ZNF83: variants seen among roughly 807,000 people sequenced by gnomAD.
ZNF83 encodes the protein zinc finger protein 816B.
For synonymous variants in ZNF83, 209 were observed against 213.0 expected (o/e 0.98, Z 0.17); for missense variants, 552 against 629.9 (o/e 0.88, Z 1.32).
intron 2 of ZNF83, among the ~76,000 whole-genome samples, chr19:52,623,658 G>A (rs2060629375): frequency 6.6e-6 from 1 of 151,810 alleles, no homozygotes; most frequent in Non-Finnish European, 1.5e-5. Context: ...GGACACCTCT[G>A]CTCCCTCCCT....
intron 3 of ZNF83, chr19:52,650,592 C>T (rs536700561): frequency 6.6e-6 from 1 of 152,190 alleles, no homozygotes; most frequent in South Asian, 2.1e-4. Context: ...CAGGAGCTTC[C>T]CACTCCTCTG....
chr19:52,616,286 G>T (rs899701816), intron 2 of ZNF83, among the ~76,000 whole-genome samples: 1 of 152,208 alleles, frequency 6.6e-6, no homozygotes, highest in Non-Finnish European at 1.5e-5. Context: ...CTGCAAGTAA[G>T]TGAGGTCAAT....
At chr19:52,636,362 T>TA (rs1176587490) in intron 1 of ZNF83, 3 of 38,918 alleles carry the variant, frequency 7.7e-5, no homozygotes, top group African/African-American at 4.8e-4. Context: ...CAGAAAGGGA[T>TA]TTTTTTCTCA....
At chr19:52,645,042 T>C (rs1206505007) in intron 3 of ZNF83, among the ~76,000 whole-genome samples, 1 of 151,382 alleles carries the variant, frequency 6.6e-6, no homozygotes, top group Non-Finnish European at 1.5e-5. Context: ...GGGGGTGCTT[T>C]TGGCACAGCG....
intron 1 of ZNF83, among the ~76,000 whole-genome samples, chr19:52,682,663 A>C (rs1366154913): frequency 6.6e-6 from 1 of 150,752 alleles, no homozygotes; most frequent in Non-Finnish European, 1.5e-5. Flanking sequence ...GCGAGACTCC[A>C]TCTCAAAAAA....
intron 1 of ZNF83, among the ~76,000 whole-genome samples, chr19:52,686,602 C>T (rs987938791): frequency 6.6e-6 from 1 of 151,936 alleles, no homozygotes; most frequent in African/African-American, 2.4e-5. Flanking sequence ...GAGATGGAGA[C>T]TCGCTATGCC....
chr19:52,667,397 G>A (rs2061669698), intron 1 of ZNF83, among the ~76,000 whole-genome samples: 1 of 152,114 alleles, frequency 6.6e-6, no homozygotes, highest in Admixed American at 6.5e-5. Context: ...AAAAAGAAAA[G>A]TTATAAGAGG....
At chr19:52,655,542 G>C in intron 3 of ZNF83, 1 of 1,474,202 alleles carries the variant, frequency 6.8e-7, no homozygotes, top group Non-Finnish European at 9.5e-7. Context: ...CCTCACATCA[G>C]GAGGGACATT....
intron 2 of ZNF83, among the ~76,000 whole-genome samples, chr19:52,623,937 C>T (rs1291517169): frequency 6.6e-6 from 1 of 152,120 alleles, no homozygotes; most frequent in Non-Finnish European, 1.5e-5. Flanking sequence ...CTCTTTTGTT[C>T]TCAATACTGC....
At chr19:52,623,038 C>G (rs2060605482) in intron 2 of ZNF83, among the ~76,000 whole-genome samples, 1 of 152,218 alleles carries the variant, frequency 6.6e-6, no homozygotes. Context: ...TGCCAGAAAT[C>G]TGGCCACTGG....
chr19:52,637,523 TTTC>T (rs1289529950), intron 1 of ZNF83, among the ~76,000 whole-genome samples: 3 of 152,184 alleles, frequency 2.0e-5, no homozygotes, highest in Non-Finnish European at 4.4e-5. Flanking sequence ...CTCCTCCTGC[TTTC>T]TTTTTTTTTC....
intron 2 of ZNF83, among the ~76,000 whole-genome samples, chr19:52,627,134 T>G (rs1000410968): frequency 6.6e-6 from 1 of 152,176 alleles, no homozygotes; most frequent in Non-Finnish European, 1.5e-5. Context: ...CTGCTGACAA[T>G]AGATAACCAC....
intron 2 of ZNF83, among the ~76,000 whole-genome samples, chr19:52,631,815 C>T (rs1297935183): frequency 1.3e-5 from 2 of 152,164 alleles, no homozygotes; most frequent in Admixed American, 1.3e-4. Flanking sequence ...TGCTATAGTA[C>T]AAGCCACTAG....
chr19:52,679,021 AC>A (rs2061864821), intron 1 of ZNF83, among the ~76,000 whole-genome samples: 1 of 152,112 alleles, frequency 6.6e-6, no homozygotes, highest in African/African-American at 2.4e-5. Context: ...ATTTCATTCA[AC>A]CTCACAAGCT....
chr19:52,643,720 A>G (rs1350545097), intron 3 of ZNF83, among the ~76,000 whole-genome samples: 2 of 147,064 alleles, frequency 1.4e-5, no homozygotes, highest in African/African-American at 2.5e-5. Context: ...AAAAAAAAAA[A>G]TTCCTGAGTA....
chr19:52,643,431 G>C (rs919741720), intron 3 of ZNF83, among the ~76,000 whole-genome samples: 2 of 151,970 alleles, frequency 1.3e-5, no homozygotes, highest in Admixed American at 6.6e-5. Context: ...GTCGGGCATG[G>C]TGGCTCACTC....
At chr19:52,639,415 A>ATTTT (rs1160711365), upstream of ZNF83, among the ~76,000 whole-genome samples, 5,532 of 85,444 alleles carry the variant, frequency 0.065, 203 homozygotes, top group African/African-American at 0.079. Context: ...AGTTTTTTCT[A>ATTTT]TTTTTTTTTT....
chr19:52,613,193 TGA>T, exon 3 of ZNF83: 1 of 1,614,184 alleles, frequency 6.2e-7, no homozygotes, highest in Non-Finnish European at 8.5e-7. Context: ...TCATTACATT[TGA>T]AAGGTTTCTC....
At chr19:52,667,679 G>A (rs2061673171) in intron 1 of ZNF83, among the ~76,000 whole-genome samples, 1 of 152,156 alleles carries the variant, frequency 6.6e-6, no homozygotes, top group Non-Finnish European at 1.5e-5. Context: ...GTAATATCCA[G>A]TTTTTCTGTG....
Sources: gnomAD v4.1 joint callset for allele counts (sites outside exome capture counted in the v4.1 genomes callset) on GRCh38, gnomAD v4.1.1 for gene constraint, MANE v1.5 for transcripts, NCBI Gene and HGNC (gene_info 2026-07-23, HGNC 2026-07-21) for gene names.